Variants in ZNF425 observed in about 807,000 individuals in gnomAD.
ZNF425 encodes the protein zinc finger protein 425.
Under a neutral mutation model 17.0 loss-of-function variants are expected in ZNF425, and 21 were observed. The observed-to-expected ratio is 1.23, with a 90% CI of 0.88 to 1.78. ZNF425 has a LOEUF of 1.78. ZNF425 is among the 40% of genes most tolerant of loss of function. ZNF425 has a pLI of 0.00. For synonymous variants in ZNF425, 433 were observed against 384.1 expected, an observed-to-expected ratio of 1.13 and a Z score of -1.49; for missense variants, 868 against 967.3, an observed-to-expected ratio of 0.90 and a Z score of 1.36.
At chr7:149,123,757 C>T (rs2129518690) in intron 1 of ZNF425, among the ~76,000 whole-genome samples, 1 of 151,598 alleles carries the variant, frequency 6.6e-6, no homozygotes, top group Admixed American at 6.6e-5. Flanking sequence ...GTCTGGAACT[C>T]CTGACCTCAG....
chr7:149,110,771 G>C (rs1826161093), intron 3 of ZNF425, among the ~76,000 whole-genome samples: 1 of 150,572 alleles, frequency 6.6e-6, no homozygotes, highest in South Asian at 2.1e-4. Context: ...TTCCTCTCAG[G>C]GTTTTGACAA....
chr7:149,119,554 A>G (rs59097330), intron 1 of ZNF425, among the ~76,000 whole-genome samples: 5,544 of 152,248 alleles, frequency 0.036, 328 homozygotes, highest in African/African-American at 0.13. Context: ...CACCACTGCA[A>G]TCAAAAAACA....
intron 2 of ZNF425, among the ~76,000 whole-genome samples, chr7:149,115,687 C>CAA (rs59871764): frequency 0.015 from 1,302 of 89,034 alleles, 14 homozygotes; most frequent in African/African-American, 0.049. Context: ...GAGACTCCGT[C>CAA]AAAAAAAAAA....
intron 1 of ZNF425, chr7:149,125,890 T>C: frequency 1.8e-6 from 1 of 558,514 alleles, no homozygotes; most frequent in Non-Finnish European, 3.2e-6. Context: ...GCGACGGACC[T>C]AGCGCATATA....
chr7:149,113,884 G>A (rs746300942), intron 2 of ZNF425, among the ~76,000 whole-genome samples: 2 of 151,574 alleles, frequency 1.3e-5, no homozygotes, highest in African/African-American at 4.8e-5. Context: ...GTGCGGTGGT[G>A]TATGCCTGTG....
At chr7:149,106,672 T>G (rs1826085876) in intron 3 of ZNF425, among the ~76,000 whole-genome samples, 1 of 152,180 alleles carries the variant, frequency 6.6e-6, no homozygotes, top group African/African-American at 2.4e-5. Context: ...AAGAAATAAC[T>G]TAGCATGAAA....
chr7:149,109,829 C>A (rs1245142076), intron 3 of ZNF425, among the ~76,000 whole-genome samples: 1 of 151,866 alleles, frequency 6.6e-6, no homozygotes, highest in African/African-American at 2.4e-5. Flanking sequence ...AATGAATAGA[C>A]AGTGTCAATG....
intron 2 of ZNF425, among the ~76,000 whole-genome samples, chr7:149,116,011 A>G (rs1826261105): frequency 6.6e-6 from 1 of 152,208 alleles, no homozygotes; most frequent in African/African-American, 2.4e-5. Context: ...AAATTTTCCA[A>G]GTTGAAGGAC....
intron 2 of ZNF425, among the ~76,000 whole-genome samples, chr7:149,114,902 C>A (rs1480969536): frequency 6.8e-6 from 1 of 146,726 alleles, no homozygotes; most frequent in Non-Finnish European, 1.5e-5. Context: ...ATTGAGGTAC[C>A]AAAATTCTTT....
intron 3 of ZNF425, among the ~76,000 whole-genome samples, chr7:149,107,732 A>G (rs1387084566): frequency 6.6e-6 from 1 of 152,002 alleles, no homozygotes; most frequent in East Asian, 1.9e-4. Flanking sequence ...ATTATTACCC[A>G]CTAGATCTGG....
intron 2 of ZNF425, among the ~76,000 whole-genome samples, 192 bp downstream of exon 2, chr7:149,118,030 T>A (rs1002843519): frequency 6.6e-6 from 1 of 152,058 alleles, no homozygotes; most frequent in Non-Finnish European, 1.5e-5. Context: ...GTATTAATAA[T>A]ACTGAAGGCA....
intron 1 of ZNF425, among the ~76,000 whole-genome samples, chr7:149,124,102 C>T (rs745626491): frequency 6.6e-6 from 1 of 151,546 alleles, no homozygotes; most frequent in South Asian, 2.1e-4. Context: ...CCGGCTCGGC[C>T]TCCCAAAGTG....
At chr7:149,105,746 G>A (rs1275938085) in intron 3 of ZNF425, among the ~76,000 whole-genome samples, 180 bp from the exon 4 acceptor site, 4 of 151,962 alleles carry the variant, frequency 2.6e-5, no homozygotes, top group Non-Finnish European at 4.4e-5. Flanking sequence ...CGCCTCCCGG[G>A]TTCACGCCAT....
At position 149,104,838 on chromosome 7, in the gene ZNF425, T is replaced by C. The variant is rs776480460; in HGVS notation, c.1033A>G (p.Met345Val). Residue 345 changes from methionine (M) to valine (V), a missense_variant, in exon 4 of 4, where the codon ATG becomes GTG. Met to Val is a conservative substitution (Grantham distance 21). Coordinates refer to ENST00000378061, the MANE Select transcript of ZNF425 (RefSeq NM_001001661.3). The surrounding 1 kb of genome is among the most constrained non-coding windows in gnomAD (Gnocchi z 4.3). The stretch of plus-strand genomic sequence containing the variant: ...CTGTGCTGGGTCAGATGGACCTTCA[T>C]GCCCCTCTTCAGGCGGAAGCACCGG... ...CDRCFRLKRG[M>V]KVHLTQHSGK... 5.0e-6 allele frequency: 8 copies of C among 1,613,728 alleles called. No individual in the cohort carries two copies. Among genetic ancestry groups the C allele is most frequent in the Non-Finnish European group, 6.8e-6 (8 of 1,179,946 alleles).
chr7:149,108,577 GTTGTTAACTC>G (rs1826120574), intron 3 of ZNF425, among the ~76,000 whole-genome samples: 1 of 152,140 alleles, frequency 6.6e-6, no homozygotes, highest in African/African-American at 2.4e-5. Context: ...AGCTACCAAA[GTTGTTAACTC>G]TTTGGTACTC....
chr7:149,110,855 T>G (rs1826163103), intron 3 of ZNF425, among the ~76,000 whole-genome samples: 1 of 146,204 alleles, frequency 6.8e-6, no homozygotes, highest in South Asian at 2.3e-4. Context: ...AGTGCAGTGG[T>G]GCAATCTCGG....
rs920491521 is a variant in ZNF425, at chr7:149,103,537, A to G, written c.*75T>C. 5 of 1,502,646 alleles carry G rather than the reference A, an allele frequency of 3.3e-6. No homozygotes were observed. Among genetic ancestry groups the G allele is most frequent in the Non-Finnish European group, 4.4e-6 (5 of 1,130,030 alleles). The allele number at this position is 1,502,646 out of a possible 1,614,324, so 93.1% of individuals were successfully genotyped here. A position where few individuals can be genotyped will look rare whatever the true frequency, so the allele number is the denominator to read the frequency against. On this transcript the variant is annotated 3_prime_UTR_variant, in exon 4 of 4. Transcript: ENST00000378061. ...CCGATCTTACCCTGTGAATCCTTCA[A>G]CCTGCCTCAACTTGAGCCAACAGAG...
intron 3 of ZNF425, 61 bp downstream of exon 3, chr7:149,112,076 G>C: frequency 2.0e-6 from 3 of 1,528,336 alleles, no homozygotes; most frequent in South Asian, 1.2e-5. Flanking sequence ...CAAAAAGAAA[G>C]ATTCAGGAAA....
chr7:149,108,119 G>A (rs1476058292), intron 3 of ZNF425, among the ~76,000 whole-genome samples: 1 of 151,912 alleles, frequency 6.6e-6, no homozygotes, highest in African/African-American at 2.4e-5. Flanking sequence ...TAATCTTCCT[G>A]CCTCAGCCTC....
Sources: allele counts gnomAD v4.1 joint callset (sites outside exome capture counted in the v4.1 genomes callset), GRCh38; gene constraint gnomAD v4.1.1; non-coding constraint Gnocchi (gnomAD v3.1); transcripts MANE v1.5; gene names NCBI Gene and HGNC (gene_info 2026-07-23, HGNC 2026-07-21).